Variants in CACNA1H observed in about 807,000 individuals in gnomAD.
CACNA1H encodes calcium voltage-gated channel subunit alpha1 H, also known as voltage-dependent T-type calcium channel subunit alpha-1H.
A neutral mutation model predicts 192.5 loss-of-function variants in CACNA1H; 149 were observed. That is an observed-to-expected ratio of 0.77 (90% confidence interval 0.68 to 0.89). The LOEUF is 0.89. CACNA1H is among the 40% of genes least tolerant of loss of function. The pLI is 0.00. For missense variants in CACNA1H, 4,257 were observed against 3,423.5 expected, an observed-to-expected ratio of 1.24 and a Z score of -6.08; for synonymous variants, 2,202 against 1,475.2, an observed-to-expected ratio of 1.49 and a Z score of -11.29.
At chr16:1,213,372 C>T (rs1255747844) in intron 26 of CACNA1H, among the ~76,000 whole-genome samples, 1 of 152,198 alleles carries the variant, frequency 6.6e-6, no homozygotes, top group African/African-American at 2.4e-5. Context: ...GCTGCGCCAA[C>T]TTGGGAGCTC....
In CACNA1H at chr16:1,220,607, C is replaced by T; in HGVS notation, c.6675C>T (p.Ala2225=). 1 of 1,565,838 alleles carries T rather than the reference C, an allele frequency of 6.4e-7. No individual in the cohort carries two copies. The highest frequency in any genetic ancestry group is 2.2e-5 in the East Asian group (1 of 44,466). ...TLRRRTPSCE[A]TPHRDSLEPT... Reference sequence around the variant, plus strand: ...GGCGCAGGACCCCGTCCTGTGAGGCCACGCCTCACAGGGACTCCCTGGAGC... The same window carrying T: ...GGCGCAGGACCCCGTCCTGTGAGGCTACGCCTCACAGGGACTCCCTGGAGC... The change falls in exon 35 of 35, where the codon GCC becomes GCT. Residue 2225 remains alanine, a synonymous_variant. Transcript: ENST00000348261.
intron 2 of CACNA1H, among the ~76,000 whole-genome samples, chr16:1,179,527 C>G (rs527687373): frequency 1.3e-5 from 2 of 152,250 alleles, no homozygotes; most frequent in Non-Finnish European, 2.9e-5. Flanking sequence ...CTCCCGGGTT[C>G]AAGCGATTCT....
intron 2 of CACNA1H, among the ~76,000 whole-genome samples, chr16:1,187,566 CGGGTGGGGCAGG>C (rs1966197230): frequency 6.6e-6 from 1 of 152,222 alleles, no homozygotes; most frequent in South Asian, 2.1e-4. Flanking sequence ...TAGGGGACAG[CGGGTGGGGCAGG>C]AACGGCCCAG....
At chr16:1,193,192 C>A (rs910620903) in intron 2 of CACNA1H, among the ~76,000 whole-genome samples, 4 of 152,206 alleles carry the variant, frequency 2.6e-5, no homozygotes, top group African/African-American at 9.6e-5. Flanking sequence ...AAACCCCTCC[C>A]CTCGGGAAAT....
At chr16:1,162,833 AG>A (rs1963358573) in intron 2 of CACNA1H, among the ~76,000 whole-genome samples, 1 of 151,942 alleles carries the variant, frequency 6.6e-6, no homozygotes, top group Non-Finnish European at 1.5e-5. Context: ...GAGTATGAGC[AG>A]GGGGTGGGAT....
chr16:1,194,984 C>G lies in CACNA1H; in HGVS notation c.312C>G (p.His104Gln), dbSNP rs370735613. The change falls in exon 3 of 35, where the codon CAC becomes CAG. Residue 104 changes from histidine (H) to glutamine (Q), a missense_variant. By Grantham distance (24) the His-to-Gln change is conservative. Transcript: ENST00000348261. ...CCCGCGGCGACACATGGTTCGAGCA[C>G]GTGAGCATGCTGGTAATCATGCTCA... Reference protein sequence around the residue: ...LRLVCNPWFEHVSMLVIMLNC... With the variant: ...LRLVCNPWFEQVSMLVIMLNC... The G allele has an allele frequency of 2.5e-6, 4 of 1,611,432 alleles. No individual in the cohort carries two copies. Among genetic ancestry groups the G allele is most frequent in the Non-Finnish European group, 3.4e-6 (4 of 1,178,808 alleles).
intron 2 of CACNA1H, chr16:1,157,104 A>G (rs1489962165): frequency 6.6e-6 from 1 of 152,158 alleles, no homozygotes; most frequent in Non-Finnish European, 1.5e-5. Context: ...TTCGCCTGCG[A>G]CACAGCTGCC....
At position 1,185,172 on chromosome 16, in the gene CACNA1H, C is replaced by T. The variant is rs142270503; in HGVS notation, c.300-9800C>T. On this transcript the variant is annotated intron_variant, in intron 2 of 34. Transcript: ENST00000348261. ...GTTCCCGGGTTCACCTGTGTTGTGG[C>T]GTGTGGAGCTTTCTTCCTTTTCATG... is the stretch of plus-strand genomic sequence containing the variant. Among the ~76,000 whole-genome samples, 1,277 of 152,286 alleles carry T rather than the reference C, an allele frequency of 8.4e-3. 5 individuals are homozygous for T. The highest frequency in any genetic ancestry group is 0.012 in the Non-Finnish European group (829 of 68,032).
chr16:1,213,158 C>T (rs1440635271), intron 26 of CACNA1H, among the ~76,000 whole-genome samples: 1 of 152,248 alleles, frequency 6.6e-6, no homozygotes, highest in South Asian at 2.1e-4. Context: ...AGACCCTAGA[C>T]CACAGCCCAT....
chr16:1,213,998 G>A, intron 27 of CACNA1H, 67 bp downstream of exon 27: 3 of 1,397,290 alleles, frequency 2.1e-6, no homozygotes, highest in Non-Finnish European at 3.0e-6. Context: ...CCAACACAGT[G>A]GGCACAACCC....
At chr16:1,198,818 T>C in intron 6 of CACNA1H, 44 bp downstream of exon 6, 1 of 1,563,298 alleles carries the variant, frequency 6.4e-7, no homozygotes, top group Non-Finnish European at 8.7e-7. Flanking sequence ...CAGATGGCCC[T>C]GCCCACCATG....
In CACNA1H at chr16:1,167,075, C is replaced by T. The variant is rs752818048; in HGVS notation, c.299+13039C>T. On this transcript the variant is annotated intron_variant, in intron 2 of 34. Transcript: ENST00000348261. The surrounding 1 kb of genome is among the most constrained non-coding windows in gnomAD (Gnocchi z 4.2). ...GGGTCCCTGAGTGGTGGTTCAGCAGCAGTGAGTGCTGACAACCACACCCAG... is the reference window on the plus strand; with the variant it reads ...GGGTCCCTGAGTGGTGGTTCAGCAGTAGTGAGTGCTGACAACCACACCCAG... Among the ~76,000 whole-genome samples the T allele has an allele frequency of 3.9e-5, 6 of 152,226 alleles. No homozygotes were observed. Among genetic ancestry groups the T allele is most frequent in the Non-Finnish European group, 8.8e-5 (6 of 68,042 alleles).
At chr16:1,194,914 G>T in intron 2 of CACNA1H, 58 bp from the exon 3 acceptor site, 1 of 1,281,980 alleles carries the variant, frequency 7.8e-7, no homozygotes. Context: ...GCATTTGGAG[G>T]GCCCCATGGG....
At chr16:1,155,590 G>A (rs974287062) in intron 2 of CACNA1H, among the ~76,000 whole-genome samples, 2 of 152,124 alleles carry the variant, frequency 1.3e-5, no homozygotes, top group Admixed American at 6.5e-5. Flanking sequence ...AGAAGGGAAA[G>A]AGTTGAGCAA....
intron 2 of CACNA1H, among the ~76,000 whole-genome samples, chr16:1,154,932 C>T (rs1256096640): frequency 2.6e-5 from 4 of 152,136 alleles, no homozygotes; most frequent in East Asian, 3.9e-4. Flanking sequence ...GTCTCCCCAC[C>T]GGCCCTTCTG....
intron 18 of CACNA1H, 110 bp from the exon 19 acceptor site, chr16:1,210,260 G>T (rs1177683236): frequency 3.2e-6 from 4 of 1,245,384 alleles, no homozygotes; most frequent in Non-Finnish European, 4.5e-6. Flanking sequence ...TTCTCACACC[G>T]CAGGGACCGG....
chr16:1,206,049 G>A, intron 11 of CACNA1H, 55 bp from the exon 12 acceptor site: 1 of 1,490,122 alleles, frequency 6.7e-7, no homozygotes, highest in Non-Finnish European at 9.0e-7. Context: ...AGTGGGACGA[G>A]GGCCTGGGGT....
In CACNA1H at chr16:1,207,262, T is replaced by G. The variant is rs1968846624; in HGVS notation, c.2908-13T>G. ...GCTGGGGTGACCACCCCAGGCCCCCTGCTATCCCCCAGATCCTGACCCAGG... is the reference window on the plus strand; with the variant it reads ...GCTGGGGTGACCACCCCAGGCCCCCGGCTATCCCCCAGATCCTGACCCAGG... On this transcript the variant is annotated splice_polypyrimidine_tract_variant and intron_variant, in intron 13 of 34. Coordinates refer to ENST00000348261, the MANE Select transcript of CACNA1H (RefSeq NM_021098.3). The G allele has an allele frequency of 6.3e-7, 1 of 1,597,818 alleles. No homozygotes were observed.
chr16:1,207,162 G>A (rs1252397619), intron 13 of CACNA1H, 44 bp downstream of exon 13: 1 of 1,553,860 alleles, frequency 6.4e-7, no homozygotes, highest in Non-Finnish European at 8.7e-7. Context: ...GCTGAGTGTG[G>A]TCCCCAGAGA....
Sources: gnomAD v4.1 joint callset for allele counts (sites outside exome capture counted in the v4.1 genomes callset) on GRCh38, gnomAD v4.1.1 for gene constraint, Gnocchi (gnomAD v3.1) non-coding constraint, MANE v1.5 for transcripts, NCBI Gene and HGNC (gene_info 2026-07-23, HGNC 2026-07-21) for gene names.